The following CGGBP1 variants were observed in gnomAD, a reference collection of about 807,000 sequenced individuals.
CGGBP1 encodes the protein CGG triplet repeat binding protein 1, also known as CGG triplet repeat-binding protein 1.
Under a neutral mutation model 11.4 loss-of-function variants are expected in CGGBP1, and 4 were observed. The ratio of observed to expected loss-of-function variants is 0.35; its 90% CI spans 0.17 to 0.80. The LOEUF (loss-of-function observed/expected upper bound fraction) is 0.80. CGGBP1 is among the 30% of genes least tolerant of loss of function. The pLI is 0.52. For synonymous variants in CGGBP1, 76 were observed against 74.1 expected (o/e 1.03, Z -0.13); for missense variants, 135 against 202.1 (o/e 0.67, Z 2.01).
Position 88,055,509 on chromosome 3 carries a change from C to T in CGGBP1, c.468G>A (p.Glu156=). The change falls in exon 4 of 4, where the codon GAG becomes GAA. Residue 156 remains glutamate, a synonymous_variant. Coordinates refer to ENST00000482016, the MANE Select transcript of CGGBP1 (RefSeq NM_001008390.2). This position sits in a 1 kb window ranked among gnomAD's most constrained non-coding sequence, Gnocchi z 4.2. ...GTGAGTTGAGGAGTTGATTCTCATT[C>T]TCATATCCATCAGGAAGATATGCCC... The part of the protein sequence containing the change: ...LRRAYLPDGY[E]NENQLLNSQD... The T allele has an allele frequency of 2.0e-6, 3 of 1,537,322 alleles. No homozygotes were observed. The highest frequency in any genetic ancestry group is 2.6e-5 in the South Asian group (2 of 77,606).
intron 2 of CGGBP1, among the ~76,000 whole-genome samples, chr3:88,090,110 C>T (rs1708555492): frequency 6.6e-6 from 1 of 152,014 alleles, no homozygotes; most frequent in Non-Finnish European, 1.5e-5. Context: ...TATGTACATG[C>T]TCTACTTTTT....
chr3:88,077,857 G>GT (rs1707896636), intron 2 of CGGBP1, among the ~76,000 whole-genome samples: 1 of 152,136 alleles, frequency 6.6e-6, no homozygotes, highest in African/African-American at 2.4e-5. Flanking sequence ...GTTTTTTAGT[G>GT]TAGAAGTAAT....
intron 2 of CGGBP1, chr3:88,095,640 G>A (rs931931707): frequency 1.6e-5 from 8 of 505,566 alleles, no homozygotes; most frequent in Admixed American, 8.3e-5. Context: ...GAAGCCCCAA[G>A]CAATATCATC....
intron 2 of CGGBP1, chr3:88,140,752 C>T (rs770081947): frequency 5.6e-6 from 9 of 1,613,586 alleles, no homozygotes; most frequent in Non-Finnish European, 6.8e-6. Flanking sequence ...CAGGCACCTT[C>T]CAAACCAAAT....
At chr3:88,091,622 G>T (rs1439131776) in intron 2 of CGGBP1, among the ~76,000 whole-genome samples, 1 of 152,110 alleles carries the variant, frequency 6.6e-6, no homozygotes, top group African/African-American at 2.4e-5. Flanking sequence ...ATCTCATCTT[G>T]AATTGTAGCT....
intron 2 of CGGBP1, chr3:88,139,295 C>G (rs761934977): frequency 6.3e-7 from 1 of 1,577,248 alleles, no homozygotes. Context: ...ATCACAATGT[C>G]CCAAGGCATC....
At chr3:88,069,133 A>T (rs1024749492) in intron 2 of CGGBP1, among the ~76,000 whole-genome samples, 1 of 64,258 alleles carries the variant, frequency 1.6e-5, no homozygotes, top group Non-Finnish European at 4.3e-5. Flanking sequence ...ATCAGAAGTG[A>T]TTCTCAGGCC....
At chr3:88,139,162 G>T (rs1351576233) in intron 2 of CGGBP1, 30 of 1,342,836 alleles carry the variant, frequency 2.2e-5, no homozygotes, top group Non-Finnish European at 2.9e-5. Context: ...TTGGATGAAG[G>T]GTTTGACTCT....
chr3:88,122,339 T>C (rs527520352), intron 2 of CGGBP1, among the ~76,000 whole-genome samples: 2 of 152,252 alleles, frequency 1.3e-5, no homozygotes, highest in African/African-American at 4.8e-5. Flanking sequence ...AGTCCTTAAA[T>C]TTGAGATTAA....
At chr3:88,116,342 G>A (rs1380638284) in intron 2 of CGGBP1, among the ~76,000 whole-genome samples, 1 of 152,006 alleles carries the variant, frequency 6.6e-6, no homozygotes, top group Admixed American at 6.6e-5. Flanking sequence ...CCAACATGGA[G>A]AAAACTCGTC....
intron 2 of CGGBP1, among the ~76,000 whole-genome samples, chr3:88,100,113 TAAAC>T (rs1167500333): frequency 6.6e-6 from 1 of 152,046 alleles, no homozygotes; most frequent in African/African-American, 2.4e-5. Flanking sequence ...ACAAAGAACT[TAAAC>T]AAATTTACAA....
intron 2 of CGGBP1, among the ~76,000 whole-genome samples, chr3:88,082,804 C>T (rs574506646): frequency 3.9e-5 from 6 of 152,098 alleles, no homozygotes; most frequent in African/African-American, 9.7e-5. Flanking sequence ...ATTACTTAGG[C>T]TGCCATAGGA....
At chr3:88,067,816 A>T (rs913477800) in intron 2 of CGGBP1, among the ~76,000 whole-genome samples, 1 of 152,126 alleles carries the variant, frequency 6.6e-6, no homozygotes, top group Non-Finnish European at 1.5e-5. Flanking sequence ...CAAATAACCT[A>T]TAAAGGAGAA....
intron 2 of CGGBP1, among the ~76,000 whole-genome samples, chr3:88,120,572 A>G (rs1705706167): frequency 6.6e-6 from 1 of 152,156 alleles, no homozygotes; most frequent in Non-Finnish European, 1.5e-5. Context: ...GAAGACAAAC[A>G]TGAGTTTTAC....
chr3:88,102,139 G>T (rs1236929835), intron 2 of CGGBP1, among the ~76,000 whole-genome samples: 1 of 152,010 alleles, frequency 6.6e-6, no homozygotes, highest in South Asian at 2.1e-4. Context: ...TTTATTGCTG[G>T]TTTAAAGAAA....
chr3:88,139,080 G>C, intron 2 of CGGBP1: 3 of 1,266,756 alleles, frequency 2.4e-6, no homozygotes, highest in African/African-American at 3.1e-5. Context: ...TAAATCAGCA[G>C]TTAGATTTCT....
intron 2 of CGGBP1, among the ~76,000 whole-genome samples, chr3:88,106,644 T>A (rs1445742052): frequency 1.3e-5 from 2 of 152,122 alleles, no homozygotes; most frequent in Non-Finnish European, 2.9e-5. Flanking sequence ...GCCTCGGCCC[T>A]TTTTTTCATT....
intron 2 of CGGBP1, chr3:88,139,578 G>C: frequency 6.2e-7 from 1 of 1,613,720 alleles, no homozygotes; most frequent in Non-Finnish European, 8.5e-7. Context: ...TGATAGTAAG[G>C]ATTTGGAAGT....
chr3:88,128,542 A>C (rs999328300), intron 2 of CGGBP1, among the ~76,000 whole-genome samples: 1 of 151,724 alleles, frequency 6.6e-6, no homozygotes, highest in Non-Finnish European at 1.5e-5. Flanking sequence ...AAGAAAAAAA[A>C]TTTTTTTTTA....
Sources: allele counts gnomAD v4.1 joint callset (sites outside exome capture counted in the v4.1 genomes callset), GRCh38; gene constraint gnomAD v4.1.1; non-coding constraint Gnocchi (gnomAD v3.1); transcripts MANE v1.5; gene names NCBI Gene and HGNC (gene_info 2026-07-23, HGNC 2026-07-21).